TBC1D19: variants seen among roughly 807,000 people sequenced by gnomAD.
TBC1D19 encodes TBC1 domain family member 19, also known as TBC1 domain family, member 19.
In TBC1D19, 60 loss-of-function variants were observed where a neutral mutation model predicts 89.0. The ratio of observed to expected loss-of-function variants is 0.67; its 90% CI spans 0.55 to 0.84. The LOEUF (loss-of-function observed/expected upper bound fraction) is 0.84, where lower values mean the gene tolerates loss of function less well. TBC1D19 is among the 40% of genes least tolerant of loss of function. The probability of loss-of-function intolerance (pLI) is 0.00; values close to 1 mark genes in which losing one functional copy is unlikely to be tolerated. For missense variants in TBC1D19, 500 were observed against 610.8 expected (o/e 0.82, Z 1.91); for synonymous variants, 189 against 199.7 (o/e 0.95, Z 0.45).
At chr4:26,757,620 T>C (rs1456325895), downstream of TBC1D19, among the ~76,000 whole-genome samples, 2 of 152,224 alleles carry the variant, frequency 1.3e-5, no homozygotes, top group African/African-American at 2.4e-5. Context: ...TTCTGGCTAA[T>C]AGAAATTTCC....
chr4:26,681,342 A>T (rs1225769664), intron 11 of TBC1D19, among the ~76,000 whole-genome samples: 1 of 151,950 alleles, frequency 6.6e-6, no homozygotes, highest in Admixed American at 6.6e-5. Flanking sequence ...GATGGAGATC[A>T]TCCTGGCTAA....
intron 4 of TBC1D19, among the ~76,000 whole-genome samples, chr4:26,622,359 C>T (rs1288314915): frequency 6.6e-6 from 1 of 151,790 alleles, no homozygotes; most frequent in East Asian, 1.9e-4. Context: ...TCAGTTTTAA[C>T]ATACTAGGTG....
intron 17 of TBC1D19, among the ~76,000 whole-genome samples, chr4:26,741,591 T>A (rs1001753883): frequency 1.3e-5 from 2 of 151,600 alleles, no homozygotes; most frequent in Non-Finnish European, 2.9e-5. Context: ...TGGGTATTCT[T>A]TTTCAGCGAA....
At chr4:26,707,848 C>A (rs183541394) in intron 13 of TBC1D19, among the ~76,000 whole-genome samples, 1 of 151,964 alleles carries the variant, frequency 6.6e-6, no homozygotes, top group East Asian at 1.9e-4. Flanking sequence ...CTATCCTCAC[C>A]CCTTTCACTT....
In TBC1D19 at chr4:26,741,012, T is replaced by G. The variant is rs924883036; in HGVS notation, c.1227+1039T>G. ...GAACTTGATTTTGTTCTTATCTTAC[T>G]TTAATATTTAATCTGGAATAATCAG... On this transcript the variant is annotated intron_variant, in intron 17 of 20. Coordinates refer to ENST00000264866, the MANE Select transcript of TBC1D19 (RefSeq NM_018317.4). 3.7e-5 allele frequency: 33 copies of G among 891,764 alleles called. 1 individual carries two copies. The South Asian group carries it at 1.3e-3, about 35-fold the overall frequency. 55.2% of individuals were successfully genotyped at this position (891,764 alleles called of 1,614,324 possible).
chr4:26,735,390 T>C lies in TBC1D19; in HGVS notation c.1085-65T>C, dbSNP rs995075091. ...CCTTTTTATTGTCAGTTTTAATCTT[T>C]TAAAGCTTACCTAATAATCAGTAGG... On this transcript the variant is annotated intron_variant, in intron 15 of 20. Coordinates refer to ENST00000264866, the MANE Select transcript of TBC1D19 (RefSeq NM_018317.4). 1.9e-5 allele frequency: 26 copies of C among 1,351,372 alleles called. No homozygotes were observed. The African/African-American group carries it at 3.7e-4, about 19-fold the overall frequency. The allele number at this position is 1,351,372 out of a possible 1,614,324, so 83.7% of individuals were successfully genotyped here.
chr4:26,817,615 A>T, the TBC1D19 span, among the ~76,000 whole-genome samples: 1 of 152,200 alleles, frequency 6.6e-6, no homozygotes, highest in Non-Finnish European at 1.5e-5. Context: ...CAGGGATTCA[A>T]TAACAGCTGA....
intron 7 of TBC1D19, among the ~76,000 whole-genome samples, chr4:26,640,489 A>C: frequency 6.6e-6 from 1 of 151,370 alleles, no homozygotes; most frequent in East Asian, 2.0e-4. Flanking sequence ...CAGCGTGATC[A>C]ACACAGAAGA....
At chr4:26,640,929 A>G (rs1743460786) in intron 7 of TBC1D19, among the ~76,000 whole-genome samples, 1 of 152,242 alleles carries the variant, frequency 6.6e-6, no homozygotes, top group Non-Finnish European at 1.5e-5. Flanking sequence ...CCACAGCTCA[A>G]CGAGGCCTGC....
chr4:26,785,231 A>G, the TBC1D19 span, among the ~76,000 whole-genome samples: 2 of 152,256 alleles, frequency 1.3e-5, no homozygotes, highest in African/African-American at 4.8e-5. Context: ...GACAAATTCA[A>G]TAAAGGGAAA....
At chr4:26,799,074 G>A in the TBC1D19 span, among the ~76,000 whole-genome samples, 2 of 152,138 alleles carry the variant, frequency 1.3e-5, no homozygotes, top group African/African-American at 4.8e-5. Flanking sequence ...ATCCCATGAG[G>A]AGGAATTAGG....
chr4:26,822,662 C>T, the TBC1D19 span, among the ~76,000 whole-genome samples: 1 of 151,972 alleles, frequency 6.6e-6, no homozygotes, highest in Non-Finnish European at 1.5e-5. Context: ...AAATGGTTAA[C>T]GTTGAGATGC....
intron 15 of TBC1D19, among the ~76,000 whole-genome samples, chr4:26,725,006 G>A (rs1387740221): frequency 1.3e-5 from 2 of 152,168 alleles, no homozygotes; most frequent in Non-Finnish European, 2.9e-5. Flanking sequence ...GCCCAGAGAT[G>A]AGGCAAATAA....
chr4:26,676,042 GT>G (rs1261980931), intron 11 of TBC1D19, among the ~76,000 whole-genome samples: 3 of 152,090 alleles, frequency 2.0e-5, no homozygotes, highest in Non-Finnish European at 4.4e-5. Context: ...TTAAATTTCA[GT>G]TTGCTAAATT....
At chr4:26,750,314 A>G (rs1490090027) in intron 19 of TBC1D19, among the ~76,000 whole-genome samples, 1 of 152,230 alleles carries the variant, frequency 6.6e-6, no homozygotes, top group Non-Finnish European at 1.5e-5. Context: ...ATTACTGTGT[A>G]TAGCTTTCTG....
At chr4:26,848,425 G>T in the TBC1D19 span, among the ~76,000 whole-genome samples, 1 of 152,058 alleles carries the variant, frequency 6.6e-6, no homozygotes, top group South Asian at 2.1e-4. Context: ...AATGCTTACT[G>T]CACTTTTGCT....
chr4:26,737,918 A>G (rs1175599714), intron 16 of TBC1D19, among the ~76,000 whole-genome samples: 1 of 152,062 alleles, frequency 6.6e-6, no homozygotes, highest in African/African-American at 2.4e-5. Flanking sequence ...TCTAATTTAA[A>G]ATACCTTCTG....
chr4:26,624,615 G>T (rs1257975886), intron 4 of TBC1D19, among the ~76,000 whole-genome samples: 1 of 152,066 alleles, frequency 6.6e-6, no homozygotes. Context: ...CTAGTACACT[G>T]GCCTTTATGT....
downstream of TBC1D19, among the ~76,000 whole-genome samples, chr4:26,760,880 G>A (rs79030868): frequency 1.5e-3 from 224 of 151,910 alleles, 1 homozygote; most frequent in African/African-American, 5.1e-3. Flanking sequence ...GTTTATGATC[G>A]CTTTTTTTCC....
Sources: allele counts gnomAD v4.1 joint callset (sites outside exome capture counted in the v4.1 genomes callset), GRCh38; gene constraint gnomAD v4.1.1; transcripts MANE v1.5; gene names NCBI Gene and HGNC (gene_info 2026-07-23, HGNC 2026-07-21).